The following GRID1 variants were observed in gnomAD, a reference collection of about 807,000 sequenced individuals.
The protein encoded by GRID1 is glutamate ionotropic receptor delta type subunit 1, also known as glutamate receptor ionotropic, delta-1.
Under a neutral mutation model 98.0 loss-of-function variants are expected in GRID1, and 28 were observed. That is an observed-to-expected ratio of 0.29 (90% CI 0.21 to 0.39). The LOEUF (loss-of-function observed/expected upper bound fraction) is 0.39, where lower values mean the gene tolerates loss of function less well. Among genes scored for constraint, GRID1 ranks in the 10% least tolerant of loss-of-function variants. GRID1 has a pLI of 1.00. For synonymous variants in GRID1, 553 were observed against 538.5 expected, an observed-to-expected ratio of 1.03 and a Z score of -0.37; for missense variants, 1,111 against 1,340.5, an observed-to-expected ratio of 0.83 and a Z score of 2.67.
intron 4 of GRID1, among the ~76,000 whole-genome samples, chr10:86,042,113 G>A (rs1053583774): frequency 1.3e-5 from 2 of 152,312 alleles, no homozygotes; most frequent in South Asian, 4.2e-4. Flanking sequence ...GGGGAAACTG[G>A]GAGGGTCTCC....
chr10:85,919,908 C>T (rs1841678238), intron 4 of GRID1, among the ~76,000 whole-genome samples: 1 of 150,348 alleles, frequency 6.7e-6, no homozygotes, highest in African/African-American at 2.5e-5. Flanking sequence ...TTTTTTATTA[C>T]ACTGACTCAG....
intron 2 of GRID1, among the ~76,000 whole-genome samples, chr10:86,276,948 A>G (rs1847280449): frequency 6.6e-6 from 1 of 152,234 alleles, no homozygotes; most frequent in African/African-American, 2.4e-5. Context: ...GTGTTAAATG[A>G]AAAAAGCCAG....
chr10:85,863,980 G>T (rs900719616), intron 6 of GRID1, among the ~76,000 whole-genome samples: 1 of 152,216 alleles, frequency 6.6e-6, no homozygotes, highest in African/African-American at 2.4e-5. Flanking sequence ...ACCAAAGCTG[G>T]AAGTGTGGAA....
rs734501 is a variant in GRID1 at position 85,654,302 on chromosome 10, T to G, written c.1998-6905A>C. 6.6e-3 allele frequency among the ~76,000 whole-genome samples: 1,009 copies of G among 152,332 alleles called. 44 individuals are homozygous for G. In the East Asian group the frequency reaches 0.1, roughly 15 times the overall value. ...TAAACTGCTAAAAACTCAAAGCATT[T>G]GTATATATTTACATACTTGTAAAAA... On this transcript the variant is annotated intron_variant, in intron 12 of 15. Coordinates refer to ENST00000327946, the MANE Select transcript of GRID1 (RefSeq NM_017551.3).
chr10:85,769,246 A>T (rs1181046031), intron 8 of GRID1, among the ~76,000 whole-genome samples: 2 of 152,216 alleles, frequency 1.3e-5, no homozygotes, highest in African/African-American at 4.8e-5. Flanking sequence ...TCCTAAGCAA[A>T]TTAATACCAG....
chr10:86,173,573 T>A (rs1175326651), intron 3 of GRID1, among the ~76,000 whole-genome samples: 3 of 28,842 alleles, frequency 1.0e-4, no homozygotes, highest in African/African-American at 1.7e-4. Flanking sequence ...CTTTTCTTTT[T>A]TTTTATTTTA....
At chr10:85,880,673 A>G (rs1350720416) in intron 5 of GRID1, among the ~76,000 whole-genome samples, 2 of 152,032 alleles carry the variant, frequency 1.3e-5, no homozygotes, top group Non-Finnish European at 2.9e-5. Context: ...ATCATACTGA[A>G]TGGGCAAAAA....
At chr10:86,179,453 T>C (rs1033067774) in intron 3 of GRID1, among the ~76,000 whole-genome samples, 1 of 152,018 alleles carries the variant, frequency 6.6e-6, no homozygotes, top group Admixed American at 6.6e-5. Flanking sequence ...CAGCAGGGAG[T>C]CACTTCCATC....
intron 4 of GRID1, among the ~76,000 whole-genome samples, chr10:85,999,739 G>A (rs574827958): frequency 6.6e-6 from 1 of 152,104 alleles, no homozygotes; most frequent in South Asian, 2.1e-4. Context: ...ATCAATGGAT[G>A]CAGAAAAAAA....
At chr10:86,143,432 G>A (rs1845038162) in intron 3 of GRID1, among the ~76,000 whole-genome samples, 1 of 151,990 alleles carries the variant, frequency 6.6e-6, no homozygotes, top group Non-Finnish European at 1.5e-5. Context: ...CTCACACAGA[G>A]AGAACTCCCC....
chr10:86,065,092 A>T (rs1843700146), intron 4 of GRID1, among the ~76,000 whole-genome samples: 1 of 152,178 alleles, frequency 6.6e-6, no homozygotes, highest in South Asian at 2.1e-4. Flanking sequence ...TGAGCACCCC[A>T]CTAGGGCCAC....
At chr10:85,895,656 T>A (rs555966506) in intron 5 of GRID1, among the ~76,000 whole-genome samples, 1 of 152,314 alleles carries the variant, frequency 6.6e-6, no homozygotes, top group South Asian at 2.1e-4. Flanking sequence ...AACCTAATGG[T>A]TAACAGAACC....
intron 6 of GRID1, among the ~76,000 whole-genome samples, chr10:85,867,178 A>G (rs1205637717): frequency 6.6e-6 from 1 of 152,152 alleles, no homozygotes; most frequent in Admixed American, 6.5e-5. Flanking sequence ...ACCCACAGCA[A>G]AAGGGGGCAT....
chr10:85,872,806 CT>C (rs1311370532), intron 5 of GRID1, among the ~76,000 whole-genome samples: 2 of 152,178 alleles, frequency 1.3e-5, no homozygotes, highest in Non-Finnish European at 1.5e-5. Flanking sequence ...CCTGTTTCCC[CT>C]AATCCAGTTT....
intron 4 of GRID1, among the ~76,000 whole-genome samples, chr10:86,081,043 G>A (rs548051629): frequency 2.6e-5 from 4 of 152,112 alleles, no homozygotes; most frequent in Non-Finnish European, 4.4e-5. Flanking sequence ...GAGGATGGGC[G>A]GTGATCACTG....
chr10:86,320,425 G>T (rs1847953825), intron 2 of GRID1, among the ~76,000 whole-genome samples: 1 of 152,214 alleles, frequency 6.6e-6, no homozygotes, highest in South Asian at 2.1e-4. Flanking sequence ...GCTAAGTGAA[G>T]TAAGCACGTC....
In GRID1 at chr10:86,192,368, C is replaced by T. The variant is rs917325032; in HGVS notation, c.520+13996G>A. Among the ~76,000 whole-genome samples the T allele has an allele frequency of 1.3e-5, 2 of 152,288 alleles. No homozygotes were observed. Among genetic ancestry groups the T allele is most frequent in the South Asian group, 2.1e-4 (1 of 4,826 alleles). Reference sequence around the variant, plus strand: ...ATTACTCAGCCTGAAAAAGGAAGGACGTTCTGATGCATGCCACAGTGTGGA... The same window carrying T: ...ATTACTCAGCCTGAAAAAGGAAGGATGTTCTGATGCATGCCACAGTGTGGA... On this transcript the variant is annotated intron_variant, in intron 3 of 15. Coordinates refer to ENST00000327946, the MANE Select transcript of GRID1 (RefSeq NM_017551.3). The surrounding 1 kb of genome is among the most constrained non-coding windows in gnomAD (Gnocchi z 4.8).
intron 4 of GRID1, among the ~76,000 whole-genome samples, chr10:86,048,032 C>A (rs551400880): frequency 8.5e-5 from 13 of 152,158 alleles, no homozygotes; most frequent in Non-Finnish European, 1.6e-4. Context: ...CTGCTTTTTG[C>A]TCTCCTGGCC....
intron 4 of GRID1, among the ~76,000 whole-genome samples, chr10:86,033,781 T>C (rs1843218497): frequency 6.6e-6 from 1 of 152,168 alleles, no homozygotes. Context: ...CCTAACAAGA[T>C]GGAAATGGTA....
Sources: gnomAD v4.1 joint callset for allele counts (sites outside exome capture counted in the v4.1 genomes callset) on GRCh38, gnomAD v4.1.1 for gene constraint, Gnocchi (gnomAD v3.1) non-coding constraint, MANE v1.5 for transcripts, NCBI Gene and HGNC (gene_info 2026-07-23, HGNC 2026-07-21) for gene names.